Variants in CEACAM5 observed in about 807,000 individuals in gnomAD.
The protein encoded by CEACAM5 is cell adhesion molecule CEACAM5.
In CEACAM5, 52 loss-of-function variants were observed where a neutral mutation model predicts 63.0. That is an observed-to-expected ratio of 0.83 (90% CI 0.66 to 1.04). CEACAM5 has a LOEUF of 1.04. Ranked by LOEUF, CEACAM5 falls within the 50% of genes least tolerant of loss-of-function variation. The probability of loss-of-function intolerance (pLI) is 0.00; values close to 1 mark genes in which losing one functional copy is unlikely to be tolerated. For synonymous variants in CEACAM5, 357 were observed against 351.3 expected (o/e 1.02, Z -0.18); for missense variants, 790 against 864.8 (o/e 0.91, Z 1.08).
chr19:41,726,620 C>T (rs184062892), intron 8 of CEACAM5, among the ~76,000 whole-genome samples: 10 of 152,302 alleles, frequency 6.6e-5, no homozygotes, highest in African/African-American at 2.2e-4. Context: ...TGAGAGAGCC[C>T]TCAGACCACG....
Position 41,717,719 on chromosome 19 carries a change from T to C in CEACAM5, c.1223T>C (p.Ile408Thr), listed in dbSNP as rs201856501. 7.4e-6 allele frequency: 12 copies of C among 1,613,948 alleles called. No individual in the cohort carries two copies. The Admixed American group carries it at 1.2e-4, about 16-fold the overall frequency. The change falls in exon 5 of 10, where the codon ATC becomes ACC. Residue 408 changes from isoleucine (I) to threonine (T), a missense_variant. Physicochemically the swap from Ile to Thr is moderately conservative, Grantham distance 89 (BLOSUM62 -1). Transcript: ENST00000221992. The part of the protein sequence containing the change: ...ELSVDHSDPV[I>T]LNVLYGPDDP... ...AGTGTTGACCACAGCGACCCAGTCA[T>C]CCTGAATGTCCTCTGTGAGTATCTT...
At position 41,730,336 on chromosome 19, in the gene CEACAM5, G is replaced by A. The variant is rs995032800; in HGVS notation, c.*1189G>A. Among the ~76,000 whole-genome samples, 1 of 151,244 alleles carries A rather than the reference G, an allele frequency of 6.6e-6. No individual in the cohort carries two copies. Among genetic ancestry groups the A allele is most frequent in the Admixed American group, 6.6e-5 (1 of 15,186 alleles). On this transcript the variant is annotated 3_prime_UTR_variant, in exon 10 of 10. Coordinates refer to ENST00000221992, the MANE Select transcript of CEACAM5 (RefSeq NM_004363.6). ...ACTCAGGAGGCTGAGGCAGGAGAAC[G>A]GCATGAACCCGGGAGGCAGGGCTTG...
chr19:41,715,744 T>A lies in CEACAM5; in HGVS notation c.798T>A (p.Pro266=). The change falls in exon 4 of 10, where the codon CCT becomes CCA. Residue 266 remains proline, a synonymous_variant. Coordinates refer to ENST00000221992, the MANE Select transcript of CEACAM5 (RefSeq NM_004363.6). ...NLSCHAASNP[P]AQYSWFVNGT... ...CCTGCCACGCAGCCTCTAACCCACC[T>A]GCACAGTACTCTTGGTTTGTCAATG... is the stretch of plus-strand genomic sequence containing the variant. 6.2e-7 allele frequency: 1 copy of A among 1,614,204 alleles called. No homozygotes were observed. The highest frequency in any genetic ancestry group is 1.1e-5 in the South Asian group (1 of 91,088).
intron 2 of CEACAM5, 75 bp from the exon 3 acceptor site, chr19:41,714,896 C>G: frequency 6.2e-7 from 1 of 1,602,194 alleles, no homozygotes; most frequent in Non-Finnish European, 8.5e-7. Context: ...TGGAAGGTGC[C>G]AACTCTGATT....
At chr19:41,717,871 A>C in intron 5 of CEACAM5, 138 bp downstream of exon 5, 1 of 1,172,148 alleles carries the variant, frequency 8.5e-7, no homozygotes, top group South Asian at 1.4e-5. Flanking sequence ...TACCCCCAGC[A>C]AATCCATGCA....
Position 41,729,344 on chromosome 19 carries a change from G to GA in CEACAM5, c.*197_*198insA, listed in dbSNP as rs2072742249. The GA allele has an allele frequency of 6.6e-6, 1 of 152,082 alleles. No homozygotes were observed. The highest frequency in any genetic ancestry group is 2.4e-5 in the African/African-American group (1 of 41,382). 9.4% of individuals were successfully genotyped at this position (152,082 alleles called of 1,614,324 possible). A position where few individuals can be genotyped will look rare whatever the true frequency, so the allele number is the denominator to read the frequency against. ...TACTAAAAATACAAAAATGAGCTGG[G>GA]CTTGGTGGCGCACACCTGTAGTCCC... On this transcript the variant is annotated 3_prime_UTR_variant, in exon 10 of 10. Transcript: ENST00000221992.
intron 1 of CEACAM5, 43 bp from the exon 2 acceptor site, chr19:41,709,637 G>T: frequency 6.3e-7 from 1 of 1,582,630 alleles, no homozygotes; most frequent in Non-Finnish European, 8.6e-7. Context: ...CCACCCTAAT[G>T]CATAGGTCCC....
intron 9 of CEACAM5, among the ~76,000 whole-genome samples, chr19:41,728,932 T>C (rs1428050659): frequency 1.3e-5 from 2 of 152,172 alleles, no homozygotes; most frequent in Admixed American, 6.6e-5. Flanking sequence ...GCCACCTTAT[T>C]TGATATGTTA....
chr19:41,719,908 C>G lies in CEACAM5; in HGVS notation c.1493-22C>G, dbSNP rs369512532. 5 of 1,613,568 alleles carry G rather than the reference C, an allele frequency of 3.1e-6. No homozygotes were observed. The African/African-American group carries it at 5.3e-5, about 17-fold the overall frequency. The stretch of plus-strand genomic sequence containing the variant: ...AATCAAAAGTGCCACACAGGGCAAT[C>G]TTCTCTCTGTTATCTGCACAGCGGA... On this transcript the variant is annotated intron_variant, in intron 6 of 9. Transcript: ENST00000221992.
intron 2 of CEACAM5, among the ~76,000 whole-genome samples, chr19:41,714,116 G>A (rs1437289876): frequency 6.6e-6 from 1 of 152,172 alleles, no homozygotes; most frequent in Non-Finnish European, 1.5e-5. Flanking sequence ...TCGGGAGGCT[G>A]AGACAGGAGA....
chr19:41,720,038 G>A lies in CEACAM5; in HGVS notation c.1601G>A (p.Trp534Ter), dbSNP rs550694828. 1.2e-6 allele frequency: 2 copies of A among 1,614,208 alleles called. No homozygotes were observed. The highest frequency in any genetic ancestry group is 1.3e-5 in the African/African-American group (1 of 75,040). The change falls in exon 7 of 10, where the codon TGG (tryptophan) becomes TAG (stop). Residue 534 changes from tryptophan to a stop codon, truncating the protein, a stop_gained. Coordinates refer to ENST00000221992, the MANE Select transcript of CEACAM5 (RefSeq NM_004363.6). LOFTEE classifies it high-confidence loss of function. ...GAGGCTCAGAACACAACCTACCTGTGGTGGGTAAATGGTCAGAGCCTCCCA... is the reference window on the plus strand; with the variant it reads ...GAGGCTCAGAACACAACCTACCTGTAGTGGGTAAATGGTCAGAGCCTCCCA... The part of the protein sequence containing the change: ...EPEAQNTTYL[W>*]WVNGQSLPVS...
intron 9 of CEACAM5, among the ~76,000 whole-genome samples, chr19:41,727,778 G>A (rs782008083): frequency 2.0e-5 from 3 of 152,154 alleles, no homozygotes; most frequent in Non-Finnish European, 4.4e-5. Context: ...TACTCAAGAA[G>A]ACACAGGGGC....
At position 41,715,065 on chromosome 19, in the gene CEACAM5, C is replaced by T. The variant is rs115472929; in HGVS notation, c.519C>T (p.Asp173=). ...VAFTCEPETQ[D]ATYLWWVNNQ... ...TCACCTGTGAACCTGAGACTCAGGA[C>T]GCAACCTACCTGTGGTGGGTAAACA... The change falls in exon 3 of 10, where the codon GAC becomes GAT. Residue 173 remains aspartate (D), a synonymous_variant. Coordinates refer to ENST00000221992, the MANE Select transcript of CEACAM5 (RefSeq NM_004363.6). 3,522 of 1,614,176 alleles carry T rather than the reference C, an allele frequency of 2.2e-3. 40 individuals carry two copies. In the African/African-American group the frequency reaches 0.03, roughly 14 times the overall value.
At chr19:41,720,863 T>C (rs1257013051) in intron 7 of CEACAM5, 59 bp from the exon 8 acceptor site, 4 of 1,594,568 alleles carry the variant, frequency 2.5e-6, no homozygotes, top group Non-Finnish European at 3.4e-6. Flanking sequence ...CCTTCTACAA[T>C]CAGGAGCTTC....
chr19:41,718,504 A>G, intron 6 of CEACAM5, 122 bp downstream of exon 6: 2 of 1,015,638 alleles, frequency 2.0e-6, no homozygotes, highest in Non-Finnish European at 3.0e-6. Flanking sequence ...GCAATCCCAA[A>G]TTCAATCCTG....
rs1555813621 is a variant in CEACAM5 at position 41,709,726 on chromosome 19, T to G, written c.111T>G (p.Thr37=). The change falls in exon 2 of 10, where the codon ACT becomes ACG. Residue 37 remains threonine, a synonymous_variant. Coordinates refer to ENST00000221992, the MANE Select transcript of CEACAM5 (RefSeq NM_004363.6). Reference sequence around the variant, plus strand: ...ACCCGCCCACCACTGCCAAGCTCACTATTGAATCCACGCCGTTCAATGTCG... The same window carrying G: ...ACCCGCCCACCACTGCCAAGCTCACGATTGAATCCACGCCGTTCAATGTCG... ...FWNPPTTAKL[T]IESTPFNVAE... 1 of 1,614,114 alleles carries G rather than the reference T, an allele frequency of 6.2e-7. No individual in the cohort carries two copies. The highest frequency in any genetic ancestry group is 1.1e-5 in the South Asian group (1 of 91,084).
chr19:41,715,845 A>G lies in CEACAM5; in HGVS notation c.899A>G (p.Gln300Arg). The change falls in exon 4 of 10, where the codon CAA (glutamine) becomes CGA (arginine). Residue 300 changes from glutamine to arginine, a missense_variant. Transcript: ENST00000221992. ...TVNNSGSYTCQAHNSDTGLNR... is the reference protein window; with the variant it reads ...TVNNSGSYTCRAHNSDTGLNR... ...AATAATAGTGGATCCTATACGTGCCAAGCCCATAACTCAGACACTGGCCTC... is the reference window on the plus strand; with the variant it reads ...AATAATAGTGGATCCTATACGTGCCGAGCCCATAACTCAGACACTGGCCTC... 6.2e-7 allele frequency: 1 copy of G among 1,614,238 alleles called. No individual in the cohort carries two copies. The highest frequency in any genetic ancestry group is 1.3e-5 in the African/African-American group (1 of 75,052).
At chr19:41,713,385 G>C (rs887231335) in intron 2 of CEACAM5, among the ~76,000 whole-genome samples, 1 of 152,180 alleles carries the variant, frequency 6.6e-6, no homozygotes, top group African/African-American at 2.4e-5. Flanking sequence ...CAGATTTGGG[G>C]TGCTAAACTG....
At chr19:41,711,803 AG>A (rs1273774790) in intron 2 of CEACAM5, among the ~76,000 whole-genome samples, 1 of 151,954 alleles carries the variant, frequency 6.6e-6, no homozygotes, top group Non-Finnish European at 1.5e-5. Flanking sequence ...CTCCACTCTT[AG>A]GCCTTCCCCA....
Sources: allele counts gnomAD v4.1 joint callset (sites outside exome capture counted in the v4.1 genomes callset), GRCh38; gene constraint gnomAD v4.1.1; transcripts MANE v1.5; gene names NCBI Gene and HGNC (gene_info 2026-07-23, HGNC 2026-07-21).